The following GNPTAB variants were observed in gnomAD, a reference collection of about 807,000 sequenced individuals.
GNPTAB encodes the protein N-acetylglucosamine-1-phosphotransferase subunits alpha/beta.
Under a neutral mutation model 136.6 loss-of-function variants are expected in GNPTAB, and 92 were observed. The ratio of observed to expected loss-of-function variants is 0.67; its 90% CI spans 0.57 to 0.80. The LOEUF (loss-of-function observed/expected upper bound fraction) is 0.80, where lower values mean the gene tolerates loss of function less well. Among genes scored for constraint, GNPTAB ranks in the 30% least tolerant of loss-of-function variants. The pLI, the probability that GNPTAB is intolerant of heterozygous loss-of-function variation, is 0.00. For synonymous variants in GNPTAB, 512 were observed against 535.1 expected, an observed-to-expected ratio of 0.96 and a Z score of 0.60; for missense variants, 1,343 against 1,501.8, an observed-to-expected ratio of 0.89 and a Z score of 1.75.
Position 101,768,047 on chromosome 12 carries a change from C to T in GNPTAB, c.1398G>A (p.Gly466=). Residue 466 remains glycine, a synonymous_variant, in exon 11 of 21, where the codon GGG becomes GGA. Coordinates refer to ENST00000299314, the MANE Select transcript of GNPTAB (RefSeq NM_024312.5). The part of the protein sequence containing the change: ...CNNSACDWDG[G]DCSGNSGGSR... ...TTAACACATCCTTACCAGAGCAATC[C>T]CCACCATCCCAATCGCAGGCTGAAT... 1 of 1,614,020 alleles carries T rather than the reference C, an allele frequency of 6.2e-7. No homozygotes were observed. Among genetic ancestry groups the T allele is most frequent in the Non-Finnish European group, 8.5e-7 (1 of 1,179,948 alleles).
At chr12:101,761,860 C>A (rs1175962188) in intron 13 of GNPTAB, 97 bp from the exon 14 acceptor site, 5 of 912,384 alleles carry the variant, frequency 5.5e-6, no homozygotes, top group Non-Finnish European at 9.0e-6. Context: ...TAACTAGTCA[C>A]GAACTCTTCA....
At chr12:101,770,337 A>C (rs1953151900) in intron 9 of GNPTAB, 69 bp downstream of exon 9, 1 of 1,394,360 alleles carries the variant, frequency 7.2e-7, no homozygotes, top group African/African-American at 1.4e-5. Context: ...AAATTATGGA[A>C]ATCCCTGTAC....
intron 19 of GNPTAB, 119 bp downstream of exon 19, chr12:101,753,253 C>CA (rs994262825): frequency 0.081 from 51,796 of 638,790 alleles, no homozygotes; most frequent in East Asian, 0.094. Context: ...AACTCCGTCT[C>CA]AAAAAAAAAA....
chr12:101,769,968 G>A (rs113953607), intron 10 of GNPTAB, 53 bp downstream of exon 10: 2 of 1,527,716 alleles, frequency 1.3e-6, no homozygotes, highest in Non-Finnish European at 9.0e-7. Flanking sequence ...CTCATTTTCT[G>A]ATTTGCTAAG....
Position 101,764,988 on chromosome 12 carries a change from A to G in GNPTAB, c.1929T>C (p.Ser643=). 1.2e-6 allele frequency: 2 copies of G among 1,614,128 alleles called. No individual in the cohort carries two copies. Among genetic ancestry groups the G allele is most frequent in the Non-Finnish European group, 1.7e-6 (2 of 1,179,968 alleles). ...AATTTTCGTAACCCTTCTGGGCTGT[A>G]GAATTCAGTTTTGGTCCCTCCCTTG... ...VDTREGPKLN[S]TAQKGYENLV... is the part of the protein sequence containing the mutation. The change falls in exon 13 of 21, where the codon TCT becomes TCC. Residue 643 remains serine (S), a synonymous_variant. Coordinates refer to ENST00000299314, the MANE Select transcript of GNPTAB (RefSeq NM_024312.5).
chr12:101,807,847 A>G (rs1275856323), intron 1 of GNPTAB, among the ~76,000 whole-genome samples: 1 of 152,136 alleles, frequency 6.6e-6, no homozygotes, highest in Non-Finnish European at 1.5e-5. Flanking sequence ...CAATAGCACC[A>G]CTGTACTCCA....
chr12:101,787,502 TTTC>T (rs1217159452), intron 4 of GNPTAB, among the ~76,000 whole-genome samples: 20 of 152,330 alleles, frequency 1.3e-4, no homozygotes, highest in Admixed American at 1.1e-3. Context: ...CCTCTCAATC[TTTC>T]TTCATGTTGC....
chr12:101,769,884 G>A (rs954440034), intron 10 of GNPTAB, 137 bp downstream of exon 10: 11 of 896,168 alleles, frequency 1.2e-5, no homozygotes, highest in East Asian at 9.7e-5. Flanking sequence ...ACCCACCTCC[G>A]CCTCCCAAAG....
intron 1 of GNPTAB, among the ~76,000 whole-genome samples, chr12:101,828,554 G>C (rs1161617984): frequency 2.0e-5 from 3 of 152,162 alleles, no homozygotes; most frequent in Non-Finnish European, 2.9e-5. Flanking sequence ...AGCTACTTGG[G>C]AGGCTGAGAC....
At chr12:101,797,944 C>T (rs1296272128) in intron 1 of GNPTAB, among the ~76,000 whole-genome samples, 2 of 152,086 alleles carry the variant, frequency 1.3e-5, no homozygotes, top group Non-Finnish European at 2.9e-5. Context: ...GGATTATTCC[C>T]ATTGGCACGC....
intron 13 of GNPTAB, among the ~76,000 whole-genome samples, chr12:101,762,154 A>G (rs1953007351): frequency 6.6e-6 from 1 of 152,342 alleles, no homozygotes. Flanking sequence ...GGTGATATCA[A>G]ATGTGCAAGT....
At chr12:101,821,419 C>T (rs1870798768) in intron 1 of GNPTAB, among the ~76,000 whole-genome samples, 1 of 152,210 alleles carries the variant, frequency 6.6e-6, no homozygotes. Context: ...AGTTTCATCT[C>T]CCAGGCAAGC....
At chr12:101,789,406 T>C (rs1297596800) in intron 3 of GNPTAB, among the ~76,000 whole-genome samples, 1 of 152,232 alleles carries the variant, frequency 6.6e-6, no homozygotes. Flanking sequence ...TTTGTTTGGA[T>C]GGCACTGTGA....
At chr12:101,805,236 A>G (rs1285149489) in intron 1 of GNPTAB, among the ~76,000 whole-genome samples, 1 of 152,228 alleles carries the variant, frequency 6.6e-6, no homozygotes, top group Non-Finnish European at 1.5e-5. Context: ...AGTTTTGCAC[A>G]ATATCTGTTT....
In GNPTAB at chr12:101,796,709, T is replaced by A; in HGVS notation, c.171A>T (p.Arg57Ser). 1.2e-6 allele frequency: 2 copies of A among 1,612,574 alleles called. No homozygotes were observed. Among genetic ancestry groups the A allele is most frequent in the Non-Finnish European group, 1.7e-6 (2 of 1,178,790 alleles). Residue 57 changes from arginine (R) to serine (S), a missense_variant, in exon 2 of 21, where the codon AGA becomes AGT. Transcript: ENST00000299314. Reference sequence around the variant, plus strand: ...GAAAGGACTTTCCAGCAATATTGTCTCTATAGGAATCAAACAAAACATGGT... The same window carrying A: ...GAAAGGACTTTCCAGCAATATTGTCACTATAGGAATCAAACAAAACATGGT... ...DQYHVLFDSY[R>S]DNIAGKSFQN...
At chr12:101,747,901 G>A (rs1378921677) in intron 20 of GNPTAB, among the ~76,000 whole-genome samples, 1 of 151,968 alleles carries the variant, frequency 6.6e-6, no homozygotes, top group Non-Finnish European at 1.5e-5. Flanking sequence ...GACTGGTATA[G>A]ATAGAGGAAA....
intron 3 of GNPTAB, 57 bp downstream of exon 3, chr12:101,789,881 A>G (rs1012250806): frequency 3.4e-5 from 52 of 1,511,916 alleles, no homozygotes; most frequent in Admixed American, 2.0e-4. Context: ...TGCCACCCTC[A>G]GACCTTATTA....
Position 101,753,785 on chromosome 12 carries a change from T to C in GNPTAB, c.3435-246A>G, listed in dbSNP as rs2271641. 0.037 allele frequency among the ~76,000 whole-genome samples: 5,677 copies of C among 152,262 alleles called. 406 individuals carry two copies. Among genetic ancestry groups the C allele is most frequent in the East Asian group, 0.31 (1,625 of 5,174 alleles). ...GAGTAAATTAATTTAATGACTTCCT[T>C]TTAGAGTGTCCTGAATTAATTGTTC... On this transcript the variant is annotated intron_variant, in intron 18 of 20. Coordinates refer to ENST00000299314, the MANE Select transcript of GNPTAB (RefSeq NM_024312.5).
intron 1 of GNPTAB, among the ~76,000 whole-genome samples, chr12:101,818,048 C>A (rs946734388): frequency 6.6e-6 from 1 of 152,244 alleles, no homozygotes; most frequent in East Asian, 1.9e-4. Context: ...CTGGCCCCTG[C>A]CTGCCTCTTC....
Sources: allele counts gnomAD v4.1 joint callset (sites outside exome capture counted in the v4.1 genomes callset), GRCh38; gene constraint gnomAD v4.1.1; transcripts MANE v1.5; gene names NCBI Gene and HGNC (gene_info 2026-07-23, HGNC 2026-07-21).